CLASP1: variants seen among roughly 807,000 people sequenced by gnomAD.
The protein encoded by CLASP1 is cytoplasmic linker associated protein 1.
In CLASP1, 38 loss-of-function variants were observed where a neutral mutation model predicts 192.3. That is an observed-to-expected ratio of 0.20 (90% CI 0.15 to 0.26). The LOEUF (loss-of-function observed/expected upper bound fraction) is 0.26, where lower values mean the gene tolerates loss of function less well. CLASP1 is among the 10% of genes least tolerant of loss of function. CLASP1 has a pLI of 1.00. For missense variants in CLASP1, 1,433 were observed against 1,932.5 expected, an observed-to-expected ratio of 0.74 and a Z score of 4.85; for synonymous variants, 691 against 712.8, an observed-to-expected ratio of 0.97 and a Z score of 0.49.
intron 19 of CLASP1, chr2:121,445,298 CCAG>C: frequency 2.6e-6 from 1 of 379,520 alleles, no homozygotes; most frequent in Admixed American, 3.8e-5. Context: ...GAAGAAAGTA[CCAG>C]CAGAACAGGG....
At chr2:121,364,978 G>T in intron 36 of CLASP1, 116 bp downstream of exon 37, 1 of 919,966 alleles carries the variant, frequency 1.1e-6, no homozygotes, top group Non-Finnish European at 1.7e-6. Context: ...TAAATGTTTT[G>T]ATGTAAACAG....
chr2:121,494,589 AAG>A (rs2093450314), intron 8 of CLASP1, among the ~76,000 whole-genome samples: 1 of 152,194 alleles, frequency 6.6e-6, no homozygotes, highest in Non-Finnish European at 1.5e-5. Context: ...AAATAACTGA[AAG>A]AGTATAACTG....
intron 10 of CLASP1, among the ~76,000 whole-genome samples, 179 bp from the exon 11 acceptor site, chr2:121,461,372 T>A (rs969586093): frequency 2.6e-5 from 4 of 152,178 alleles, no homozygotes; most frequent in Admixed American, 6.5e-5. Context: ...ACTACAAATG[T>A]GTACCCACAA....
At chr2:121,342,042 A>G (rs2062841841) in intron 39 of CLASP1, among the ~76,000 whole-genome samples, 1 of 152,222 alleles carries the variant, frequency 6.6e-6, no homozygotes, top group Admixed American at 6.5e-5. Flanking sequence ...TAAATTTATA[A>G]AAATTGAGTT....
chr2:121,556,801 GAAC>G (rs930627684), intron 2 of CLASP1, among the ~76,000 whole-genome samples: 2 of 152,112 alleles, frequency 1.3e-5, no homozygotes, highest in African/African-American at 4.8e-5. Flanking sequence ...GAACAAGAAT[GAAC>G]AACTTCTGAC....
chr2:121,578,922 A>G (rs983578957), intron 2 of CLASP1, among the ~76,000 whole-genome samples: 2 of 152,132 alleles, frequency 1.3e-5, no homozygotes, highest in African/African-American at 4.8e-5. Context: ...CCTCCATATA[A>G]ATACCATAAA....
At chr2:121,419,559 A>G (rs2079147915) in intron 22 of CLASP1, among the ~76,000 whole-genome samples, 1 of 152,086 alleles carries the variant, frequency 6.6e-6, no homozygotes, top group Non-Finnish European at 1.5e-5. Flanking sequence ...AGAACAGCAA[A>G]TAACTTTCTG....
chr2:121,599,007 C>T (rs916029162), intron 2 of CLASP1, among the ~76,000 whole-genome samples: 2 of 151,928 alleles, frequency 1.3e-5, no homozygotes, highest in African/African-American at 4.8e-5. Flanking sequence ...TGGGACTATA[C>T]GTGCGTGCCA....
At chr2:121,593,633 A>C (rs2105779972) in intron 2 of CLASP1, among the ~76,000 whole-genome samples, 1 of 151,262 alleles carries the variant, frequency 6.6e-6, no homozygotes, top group East Asian at 2.0e-4. Flanking sequence ...TCTCAAAAAA[A>C]AAAAAAAAAA....
At chr2:121,439,119 G>A (rs1444122931) in intron 19 of CLASP1, among the ~76,000 whole-genome samples, 1 of 151,460 alleles carries the variant, frequency 6.6e-6, no homozygotes, top group African/African-American at 2.4e-5. Context: ...TATTTGCGTA[G>A]AGGTGTTTGT....
chr2:121,595,797 C>G (rs1229672484), intron 2 of CLASP1, among the ~76,000 whole-genome samples: 2 of 152,184 alleles, frequency 1.3e-5, no homozygotes, highest in Non-Finnish European at 2.9e-5. Context: ...AACCTCAGTC[C>G]CACATAAAAG....
chr2:121,550,367 T>C (rs2057920760), intron 2 of CLASP1, among the ~76,000 whole-genome samples: 2 of 151,724 alleles, frequency 1.3e-5, no homozygotes, highest in Non-Finnish European at 1.5e-5. Context: ...ACCCAAAAGC[T>C]AGCAGAAGAC....
chr2:121,442,119 GA>G (rs1559209206), intron 19 of CLASP1, among the ~76,000 whole-genome samples: 5 of 152,136 alleles, frequency 3.3e-5, no homozygotes, highest in Admixed American at 1.3e-4. Context: ...CTTATTTTGG[GA>G]AAAATATGAA....
chr2:121,608,213 CG>C (rs2064711209), intron 1 of CLASP1, among the ~76,000 whole-genome samples: 1 of 152,126 alleles, frequency 6.6e-6, no homozygotes, highest in Non-Finnish European at 1.5e-5. Context: ...ATCAACGATA[CG>C]GGAAAACTTA....
intron 7 of CLASP1, among the ~76,000 whole-genome samples, chr2:121,506,348 A>T (rs538913773): frequency 6.6e-6 from 1 of 152,112 alleles, no homozygotes; most frequent in South Asian, 2.1e-4. Context: ...GCTTGTCTTT[A>T]TCTGACCTGA....
At chr2:121,600,872 T>C (rs2063708504) in intron 2 of CLASP1, among the ~76,000 whole-genome samples, 2 of 152,132 alleles carry the variant, frequency 1.3e-5, no homozygotes, top group South Asian at 4.1e-4. Context: ...TTAAGACCAA[T>C]AGGTTAAGCA....
intron 20 of CLASP1, among the ~76,000 whole-genome samples, chr2:121,428,450 A>G (rs2080830053): frequency 6.6e-6 from 1 of 152,166 alleles, no homozygotes; most frequent in African/African-American, 2.4e-5. Context: ...AGATTTGAAC[A>G]CTTTTTGTCA....
intron 2 of CLASP1, among the ~76,000 whole-genome samples, chr2:121,558,487 G>A (rs1289588617): frequency 2.0e-5 from 3 of 152,180 alleles, no homozygotes; most frequent in Admixed American, 2.0e-4. Context: ...CTGTCTTCAC[G>A]AATGGATGAA....
At chr2:121,552,964 G>A (rs2058179009) in intron 2 of CLASP1, among the ~76,000 whole-genome samples, 1 of 152,206 alleles carries the variant, frequency 6.6e-6, no homozygotes, top group South Asian at 2.1e-4. Flanking sequence ...TGACAGACTG[G>A]ATAATGAAAA....
Sources: gnomAD v4.1 joint callset for allele counts (sites outside exome capture counted in the v4.1 genomes callset) on GRCh38, gnomAD v4.1.1 for gene constraint, MANE v1.5 for transcripts, NCBI Gene and HGNC (gene_info 2026-07-23, HGNC 2026-07-21) for gene names.